The following PARD3B variants were observed in gnomAD, a reference collection of about 807,000 sequenced individuals.
PARD3B encodes par-3 family cell polarity regulator beta, also known as partitioning defective 3 homolog B.
A neutral mutation model predicts 130.2 loss-of-function variants in PARD3B; 103 were observed. That is an observed-to-expected ratio of 0.79 (90% CI 0.67 to 0.93). The LOEUF is 0.93. Ranked by LOEUF, PARD3B falls within the 40% of genes least tolerant of loss-of-function variation. The probability of loss-of-function intolerance (pLI) is 0.00; values close to 1 mark genes in which losing one functional copy is unlikely to be tolerated. For synonymous variants in PARD3B, 583 were observed against 553.2 expected (o/e 1.05, Z -0.76); for missense variants, 1,609 against 1,499.2 (o/e 1.07, Z -1.21).
At chr2:205,500,663 T>C (rs1252702322) in intron 21 of PARD3B, among the ~76,000 whole-genome samples, 2 of 152,192 alleles carry the variant, frequency 1.3e-5, no homozygotes, top group African/African-American at 2.4e-5. Flanking sequence ...GCCTACAAGA[T>C]GTACTTAACT....
chr2:205,455,088 G>C (rs2048226629), intron 20 of PARD3B, among the ~76,000 whole-genome samples: 1 of 152,124 alleles, frequency 6.6e-6, no homozygotes, highest in Non-Finnish European at 1.5e-5. Context: ...CAGCTTAGCA[G>C]TTAAGGCCAT....
chr2:205,021,660 A>G lies in PARD3B; in HGVS notation c.395-25921A>G, dbSNP rs933034497. On this transcript the variant is annotated intron_variant, in intron 3 of 22. Coordinates refer to ENST00000406610, the MANE Select transcript of PARD3B (RefSeq NM_001302769.2). The surrounding 1 kb of genome is among the most constrained non-coding windows in gnomAD (Gnocchi z 4.5). Reference sequence around the variant, plus strand: ...TCTCTCTCTCTCTCTCTATATATATATATATAGTTAATCTTTTCAATGACC... The same window carrying G: ...TCTCTCTCTCTCTCTCTATATATATGTATATAGTTAATCTTTTCAATGACC... Among the ~76,000 whole-genome samples, 1 of 149,352 alleles carries G rather than the reference A, an allele frequency of 6.7e-6. No individual in the cohort carries two copies. The highest frequency in any genetic ancestry group is 6.7e-5 in the Admixed American group (1 of 14,950).
intron 1 of PARD3B, among the ~76,000 whole-genome samples, chr2:204,639,864 CCT>C: frequency 6.6e-6 from 1 of 152,166 alleles, no homozygotes; most frequent in East Asian, 1.9e-4. Context: ...TGATGTATTC[CCT>C]GAGTGGTGCA....
chr2:204,723,796 G>A (rs1410816078), intron 2 of PARD3B, among the ~76,000 whole-genome samples: 4 of 152,098 alleles, frequency 2.6e-5, no homozygotes, highest in African/African-American at 9.7e-5. Context: ...GCAATAAATT[G>A]AAAATTGACC....
chr2:205,030,036 G>T (rs1697311158), intron 3 of PARD3B, among the ~76,000 whole-genome samples: 1 of 152,060 alleles, frequency 6.6e-6, no homozygotes, highest in African/African-American at 2.4e-5. Context: ...TAACTGTTCT[G>T]CAAAACAAAA....
chr2:205,608,566 T>C (rs2055105828), intron 22 of PARD3B, among the ~76,000 whole-genome samples: 1 of 152,182 alleles, frequency 6.6e-6, no homozygotes, highest in African/African-American at 2.4e-5. Context: ...CTCTCTATGT[T>C]GTTCTCAGTT....
At chr2:205,289,360 C>CA (rs913772587) in intron 16 of PARD3B, among the ~76,000 whole-genome samples, 144 of 146,362 alleles carry the variant, frequency 9.8e-4, no homozygotes, top group African/African-American at 3.3e-3. Flanking sequence ...TTTTGTTCAC[C>CA]AAAAAAAAAA....
At chr2:205,328,402 A>G (rs930511092) in intron 18 of PARD3B, among the ~76,000 whole-genome samples, 4 of 152,160 alleles carry the variant, frequency 2.6e-5, no homozygotes, top group African/African-American at 9.7e-5. Context: ...ACTACCTCAT[A>G]TAACCATCAC....
chr2:205,420,708 A>G (rs892252539), intron 19 of PARD3B, among the ~76,000 whole-genome samples: 2 of 152,208 alleles, frequency 1.3e-5, no homozygotes, highest in African/African-American at 4.8e-5. Flanking sequence ...ATGAATGCAT[A>G]TTGGAATATG....
intron 1 of PARD3B, among the ~76,000 whole-genome samples, chr2:204,666,563 G>A (rs903392275): frequency 1.3e-5 from 2 of 152,140 alleles, no homozygotes; most frequent in Non-Finnish European, 2.9e-5. Context: ...GAGAGTAGTT[G>A]TAAGAGTGAA....
chr2:204,612,575 G>T (rs2033967429), intron 1 of PARD3B, among the ~76,000 whole-genome samples: 1 of 152,024 alleles, frequency 6.6e-6, no homozygotes, highest in South Asian at 2.1e-4. Flanking sequence ...CTTTGCAATT[G>T]TCTGTGCATG....
In PARD3B at chr2:205,273,742, A is replaced by G. The variant is rs1209811272; in HGVS notation, c.2186-26788A>G. ...GTGTTCACTTGGCCAACACCTGTTA[A>G]ATGCCTACCTTGTGCTGTGTATCAT... On this transcript the variant is annotated intron_variant, in intron 16 of 22. Transcript: ENST00000406610. Among the ~76,000 whole-genome samples, 3 of 152,342 alleles carry G rather than the reference A, an allele frequency of 2.0e-5. No homozygotes were observed. In the East Asian group the frequency reaches 5.8e-4, roughly 29 times the overall value.
At chr2:204,617,176 A>AT (rs1178990290) in intron 1 of PARD3B, among the ~76,000 whole-genome samples, 5 of 152,124 alleles carry the variant, frequency 3.3e-5, no homozygotes, top group African/African-American at 7.2e-5. Context: ...TAGGGGTTAC[A>AT]TTAAGTCTGG....
At chr2:205,123,733 G>A (rs1473428454) in intron 8 of PARD3B, among the ~76,000 whole-genome samples, 2 of 151,434 alleles carry the variant, frequency 1.3e-5, no homozygotes, top group Non-Finnish European at 2.9e-5. Context: ...GGTCACTGGT[G>A]ATGGAAGCTT....
intron 18 of PARD3B, among the ~76,000 whole-genome samples, chr2:205,346,113 A>C (rs914837628): frequency 2.0e-5 from 3 of 147,524 alleles, no homozygotes; most frequent in Non-Finnish European, 3.0e-5. Context: ...CGAAGGTTGC[A>C]GTGAGCCGAG....
chr2:204,716,291 G>A (rs1009776335), intron 2 of PARD3B, among the ~76,000 whole-genome samples: 1 of 152,018 alleles, frequency 6.6e-6, no homozygotes, highest in African/African-American at 2.4e-5. Context: ...AGCAACATGA[G>A]CATCACCCAG....
intron 16 of PARD3B, among the ~76,000 whole-genome samples, chr2:205,259,449 T>C (rs952282382): frequency 6.6e-6 from 1 of 152,218 alleles, no homozygotes; most frequent in Non-Finnish European, 1.5e-5. Flanking sequence ...AATTGGCTTC[T>C]CTTTACCTTT....
intron 4 of PARD3B, among the ~76,000 whole-genome samples, chr2:205,095,292 A>G (rs1025958534): frequency 1.1e-4 from 17 of 152,160 alleles, no homozygotes; most frequent in Admixed American, 3.9e-4. Context: ...AGAAATTATG[A>G]TTATAAACAT....
rs750414449 is a variant in PARD3B at position 205,185,766 on chromosome 2, C to T, written c.1927C>T (p.Leu643=). Residue 643 remains leucine (L), a splice_region_variant and synonymous_variant, in exon 14 of 23, where the codon CTA becomes TTA. Transcript: ENST00000406610. The part of the protein sequence containing the change: ...TCSPQDKQKG[L]LLPNDGWAES... ...CTTCATTTGTTCTTTGTTTATAGGT[C>T]TATTGCTGCCCAATGACGGATGGGC... 2 of 1,613,020 alleles carry T rather than the reference C, an allele frequency of 1.2e-6. No homozygotes were observed. The highest frequency in any genetic ancestry group is 2.2e-5 in the East Asian group (1 of 44,876).
Sources: gnomAD v4.1 joint callset for allele counts (sites outside exome capture counted in the v4.1 genomes callset) on GRCh38, gnomAD v4.1.1 for gene constraint, Gnocchi (gnomAD v3.1) non-coding constraint, MANE v1.5 for transcripts, NCBI Gene and HGNC (gene_info 2026-07-23, HGNC 2026-07-21) for gene names.